The following LINGO2 variants were observed in gnomAD, a reference collection of about 807,000 sequenced individuals.
LINGO2 encodes the protein leucine rich repeat and Ig domain containing 2.
LINGO2 carries 14 observed loss-of-function variants against 30.6 expected under a neutral mutation model. That is an observed-to-expected ratio of 0.46 (90% confidence interval 0.30 to 0.72). LINGO2 has a LOEUF of 0.72. LINGO2 is among the 30% of genes least tolerant of loss of function. The pLI, the probability that LINGO2 is intolerant of heterozygous loss-of-function variation, is 0.07. For synonymous variants in LINGO2, 317 were observed against 288.5 expected (o/e 1.10, Z -1.00); for missense variants, 729 against 751.7 (o/e 0.97, Z 0.35).
chr9:28,206,853 C>T (rs550329528), intron 4 of LINGO2, among the ~76,000 whole-genome samples: 1 of 152,182 alleles, frequency 6.6e-6, no homozygotes, highest in South Asian at 2.1e-4. Context: ...TTAATTATTT[C>T]TCCCAACCCA....
chr9:28,471,668 A>C (rs1207654701), intron 2 of LINGO2, among the ~76,000 whole-genome samples: 1 of 152,160 alleles, frequency 6.6e-6, no homozygotes. Context: ...AATTATTACC[A>C]AGTGATTATA....
chr9:27,995,925 G>A (rs953485191), intron 5 of LINGO2, among the ~76,000 whole-genome samples: 16 of 152,114 alleles, frequency 1.1e-4, no homozygotes, highest in African/African-American at 3.6e-4. Flanking sequence ...AACTGTATTT[G>A]TCTGCAAATG....
chr9:28,797,575 A>T, the LINGO2 span, among the ~76,000 whole-genome samples: 1 of 151,952 alleles, frequency 6.6e-6, no homozygotes, highest in Non-Finnish European at 1.5e-5. Context: ...AGCATCTAAA[A>T]GGTTAGAATT....
chr9:29,122,635 G>T, the LINGO2 span, among the ~76,000 whole-genome samples: 1 of 152,064 alleles, frequency 6.6e-6, no homozygotes, highest in South Asian at 2.1e-4. Context: ...AACAGCCTCA[G>T]ATCTTTTTAA....
At chr9:29,083,334 C>CA in the LINGO2 span, among the ~76,000 whole-genome samples, 42 of 152,022 alleles carry the variant, frequency 2.8e-4, no homozygotes, top group Admixed American at 9.8e-4. Flanking sequence ...ATCACAAGGA[C>CA]AAAAAACCAA....
At chr9:28,336,568 A>G (rs1435688623) in intron 3 of LINGO2, among the ~76,000 whole-genome samples, 1 of 152,168 alleles carries the variant, frequency 6.6e-6, no homozygotes. Flanking sequence ...TCTACAATCC[A>G]CTTTGAGTTA....
At chr9:28,488,606 C>G (rs562351635) in intron 1 of LINGO2, among the ~76,000 whole-genome samples, 4 of 152,146 alleles carry the variant, frequency 2.6e-5, no homozygotes, top group Admixed American at 2.6e-4. Flanking sequence ...AATAAGAAAA[C>G]AACAGCACAT....
the LINGO2 span, among the ~76,000 whole-genome samples, chr9:28,892,288 T>G: frequency 6.6e-6 from 1 of 152,088 alleles, no homozygotes; most frequent in Admixed American, 6.6e-5. Context: ...TTCTCCATAG[T>G]GATTGCCACT....
At chr9:28,125,734 C>A (rs941163382) in intron 4 of LINGO2, among the ~76,000 whole-genome samples, 12 of 152,048 alleles carry the variant, frequency 7.9e-5, no homozygotes, top group African/African-American at 2.9e-4. Flanking sequence ...CTGTGGGAGC[C>A]AAAGGGTGAG....
the LINGO2 span, among the ~76,000 whole-genome samples, chr9:29,207,573 C>A: frequency 0.045 from 6,919 of 152,090 alleles, 236 homozygotes; most frequent in Admixed American, 0.08. Context: ...TTTGTAAAGA[C>A]AATAATTCTA....
Position 28,633,761 on chromosome 9 carries a change from T to C in LINGO2, c.-365+36439A>G, listed in dbSNP as rs545663239. ...TTTTCTCTGTTGGCTTAGCCTAACA[T>C]CTCACCTAGGAACTTAATTTCTTTG... On this transcript the variant is annotated intron_variant, in intron 1 of 5. Coordinates refer to ENST00000379992, the Ensembl canonical transcript of LINGO2. Among the ~76,000 whole-genome samples, 5 of 152,314 alleles carry C rather than the reference T, an allele frequency of 3.3e-5. No individual in the cohort carries two copies. The South Asian group carries it at 8.3e-4, about 25-fold the overall frequency.
intron 2 of LINGO2, among the ~76,000 whole-genome samples, chr9:28,422,144 G>A (rs577080600): frequency 6.6e-6 from 1 of 151,862 alleles, no homozygotes; most frequent in Non-Finnish European, 1.5e-5. Flanking sequence ...GACAAGAAAA[G>A]AAATGAAATA....
chr9:28,903,927 A>G, the LINGO2 span, among the ~76,000 whole-genome samples: 1 of 151,682 alleles, frequency 6.6e-6, no homozygotes. Context: ...AAAACTTAAG[A>G]GATTCCAATG....
chr9:28,095,222 T>C (rs1044666368), intron 4 of LINGO2, among the ~76,000 whole-genome samples: 1 of 152,142 alleles, frequency 6.6e-6, no homozygotes, highest in Admixed American at 6.6e-5. Flanking sequence ...GGAGGGCCTA[T>C]GACCACTGAA....
chr9:29,135,536 T>G, the LINGO2 span, among the ~76,000 whole-genome samples: 1 of 144,436 alleles, frequency 6.9e-6, no homozygotes, highest in African/African-American at 2.6e-5. Context: ...CCAGCCTGGG[T>G]GACAGAGTGA....
intron 2 of LINGO2, among the ~76,000 whole-genome samples, chr9:28,436,826 T>C (rs1326722616): frequency 6.6e-6 from 1 of 151,992 alleles, no homozygotes; most frequent in Non-Finnish European, 1.5e-5. Context: ...TACTGCATGG[T>C]AGCAAGAGGA....
intron 4 of LINGO2, among the ~76,000 whole-genome samples, chr9:28,016,532 C>A (rs913221572): frequency 2.6e-5 from 4 of 151,736 alleles, no homozygotes; most frequent in African/African-American, 7.3e-5. Context: ...TAATAAAAAC[C>A]CCTAAGAGAC....
the LINGO2 span, among the ~76,000 whole-genome samples, chr9:29,129,187 C>G: frequency 2.6e-5 from 4 of 151,944 alleles, no homozygotes; most frequent in Non-Finnish European, 4.4e-5. Context: ...GCAAAAATAC[C>G]TATGTATTTA....
At chr9:29,107,913 A>C in the LINGO2 span, among the ~76,000 whole-genome samples, 8 of 151,844 alleles carry the variant, frequency 5.3e-5, no homozygotes, top group Non-Finnish European at 1.2e-4. Flanking sequence ...ATTAAAAAAA[A>C]AACAAACCAA....
Sources: allele counts gnomAD v4.1 joint callset (sites outside exome capture counted in the v4.1 genomes callset), GRCh38; gene constraint gnomAD v4.1.1; transcripts MANE v1.5; gene names NCBI Gene and HGNC (gene_info 2026-07-23, HGNC 2026-07-21).